PRPS2: variants seen among roughly 807,000 people sequenced by gnomAD.
The protein encoded by PRPS2 is ribose-phosphate pyrophosphokinase 2.
For missense variants in PRPS2, 104 were observed against 271.5 expected (o/e 0.38, Z 4.34); for synonymous variants, 111 against 115.3 (o/e 0.96, Z 0.24).
intron 4 of PRPS2, among the ~76,000 whole-genome samples, chrX:12,819,262 T>G (rs1163622000): frequency 8.9e-6 from 1 of 112,627 alleles, no homozygotes; most frequent in Non-Finnish European, 1.9e-5. Flanking sequence ...ACCCAGTAGT[T>G]CTATCCAGTG....
intron 1 of PRPS2, among the ~76,000 whole-genome samples, chrX:12,794,686 A>G (rs976421036): frequency 8.9e-6 from 1 of 111,995 alleles, no homozygotes; most frequent in African/African-American, 3.3e-5. Context: ...GACCTAGAAT[A>G]AAGGTAGTCA....
intron 2 of PRPS2, among the ~76,000 whole-genome samples, chrX:12,802,990 G>A (rs189585839): frequency 2.3e-3 from 258 of 112,336 alleles, no homozygotes; most frequent in Middle Eastern, 0.014. Flanking sequence ...ACACAGCTAG[G>A]AAAGAAGGAA....
chrX:12,805,244 G>T (rs755956316), intron 2 of PRPS2, among the ~76,000 whole-genome samples: 1 of 112,488 alleles, frequency 8.9e-6, no homozygotes, highest in African/African-American at 3.2e-5. Context: ...CTGGCACTGA[G>T]AATCAAGTAG....
chrX:12,804,523 A>G (rs1224167884), intron 2 of PRPS2, among the ~76,000 whole-genome samples: 3 of 111,004 alleles, frequency 2.7e-5, no homozygotes, highest in African/African-American at 9.8e-5. Flanking sequence ...TTGGCTTTGT[A>G]CTGAGAAACT....
At chrX:12,821,249 C>T (rs986645264) in intron 6 of PRPS2, among the ~76,000 whole-genome samples, 2 of 111,958 alleles carry the variant, frequency 1.8e-5, no homozygotes, top group Non-Finnish European at 3.8e-5. Flanking sequence ...TGTGCTCTGT[C>T]GCTACGATGG....
At chrX:12,797,764 A>C (rs963669117) in intron 1 of PRPS2, among the ~76,000 whole-genome samples, 1 of 112,210 alleles carries the variant, frequency 8.9e-6, no homozygotes, top group Non-Finnish European at 1.9e-5. Context: ...CTTCCCACCA[A>C]AGGAATATGC....
At chrX:12,821,654 C>T (rs1270016288) in intron 6 of PRPS2, among the ~76,000 whole-genome samples, 1 of 111,783 alleles carries the variant, frequency 8.9e-6, no homozygotes, top group Non-Finnish European at 1.9e-5. Context: ...AGAACAGACA[C>T]TATACTTGAT....
intron 1 of PRPS2, among the ~76,000 whole-genome samples, chrX:12,794,374 C>T (rs2042533691): frequency 8.9e-6 from 1 of 111,735 alleles, no homozygotes; most frequent in African/African-American, 3.3e-5. Flanking sequence ...TCTAAGAGCA[C>T]ATGTTCCAAA....
intron 2 of PRPS2, among the ~76,000 whole-genome samples, chrX:12,800,465 G>A (rs1445274578): frequency 7.2e-5 from 8 of 111,587 alleles, no homozygotes; most frequent in Non-Finnish European, 1.5e-4. Context: ...GAGGTCACAT[G>A]CTGAAGTTGT....
rs41305175 is a variant in PRPS2, at chrX:12,808,931, T to C, written c.307-303T>C. 1.9e-3 allele frequency among the ~76,000 whole-genome samples: 217 copies of C among 112,325 alleles called. 1 individual carries two copies. Among genetic ancestry groups the C allele is most frequent in the Non-Finnish European group, 3.2e-3 (173 of 53,295 alleles). ...TCGGTACCTTTTATTTCTACACACT[T>C]ACCATGATTTCAGTTACACAGATTG... On this transcript the variant is annotated intron_variant, in intron 2 of 6. Transcript: ENST00000380668.
At chrX:12,806,534 G>A (rs1248340145) in intron 2 of PRPS2, among the ~76,000 whole-genome samples, 1 of 112,485 alleles carries the variant, frequency 8.9e-6, no homozygotes, top group East Asian at 2.8e-4. Flanking sequence ...CAGTTAACTA[G>A]TAAATCATTT....
chrX:12,817,984 A>G lies in PRPS2; in HGVS notation c.531-1523A>G, dbSNP rs192695332. Among the ~76,000 whole-genome samples the G allele has an allele frequency of 2.9e-3, 325 of 111,351 alleles. 3 individuals carry two copies. The highest frequency in any genetic ancestry group is 0.01 in the African/African-American group (311 of 30,652). On this transcript the variant is annotated intron_variant, in intron 4 of 6. Coordinates refer to ENST00000380668, the MANE Select transcript of PRPS2 (RefSeq NM_002765.5). The stretch of plus-strand genomic sequence containing the variant: ...ACTAGACAGAGATAATAGTTGTGCA[A>G]TGTTGTGAATGTACTTGATGCCATT...
intron 4 of PRPS2, among the ~76,000 whole-genome samples, chrX:12,812,642 A>G (rs1303584005): frequency 1.8e-5 from 2 of 111,937 alleles, no homozygotes; most frequent in Non-Finnish European, 3.8e-5. Flanking sequence ...AGAAAAAGAA[A>G]ATACCAAAAA....
At chrX:12,796,236 T>TTTTTTTTTTTTTTTTTTTTTTTTTTTTC (rs1555902194) in intron 1 of PRPS2, among the ~76,000 whole-genome samples, 1 of 72,495 alleles carries the variant, frequency 1.4e-5, no homozygotes, top group Non-Finnish European at 2.6e-5. Flanking sequence ...TTTTTTTTTT[T>TTTTTTTTTTTTTTTTTTTTTTTTTTTTC]TGAGACAGAG....
In PRPS2 at chrX:12,807,171, G is replaced by A. The variant is rs780170351; in HGVS notation, c.307-2063G>A. On this transcript the variant is annotated intron_variant, in intron 2 of 6. Coordinates refer to ENST00000380668, the MANE Select transcript of PRPS2 (RefSeq NM_002765.5). Reference sequence around the variant, plus strand: ...AGACCAAGACCAAGCACTAGCATTTGGTGTCTGGTACGGGCTGCGTCCTCC... The same window carrying A: ...AGACCAAGACCAAGCACTAGCATTTAGTGTCTGGTACGGGCTGCGTCCTCC... Among the ~76,000 whole-genome samples the A allele has an allele frequency of 2.7e-5, 3 of 112,529 alleles. No homozygotes were observed. In the East Asian group the frequency reaches 8.3e-4, roughly 31 times the overall value.
intron 2 of PRPS2, among the ~76,000 whole-genome samples, chrX:12,805,320 C>T (rs1174311890): frequency 8.9e-6 from 1 of 112,620 alleles, no homozygotes; most frequent in African/African-American, 3.2e-5. Flanking sequence ...CTTAAACTGT[C>T]TGTATCTTTA....
At chrX:12,807,561 G>A (rs1443984430) in intron 2 of PRPS2, among the ~76,000 whole-genome samples, 1 of 111,689 alleles carries the variant, frequency 9.0e-6, no homozygotes, top group Non-Finnish European at 1.9e-5. Flanking sequence ...AGTAAGCCTT[G>A]GACATTTAGT....
At chrX:12,801,313 T>TA (rs1254670803) in intron 2 of PRPS2, among the ~76,000 whole-genome samples, 1 of 109,614 alleles carries the variant, frequency 9.1e-6, no homozygotes, top group Non-Finnish European at 1.9e-5. Flanking sequence ...TTAGGTCACA[T>TA]ACACTGCTGT....
intron 4 of PRPS2, among the ~76,000 whole-genome samples, chrX:12,816,193 G>A (rs888692684): frequency 1.3e-4 from 15 of 111,525 alleles, no homozygotes; most frequent in Non-Finnish European, 2.3e-4. Context: ...CTTCAAGGAC[G>A]TTGATGTCTT....
Sources: allele counts gnomAD v4.1 joint callset (sites outside exome capture counted in the v4.1 genomes callset), GRCh38; gene constraint gnomAD v4.1.1; transcripts MANE v1.5; gene names NCBI Gene and HGNC (gene_info 2026-07-23, HGNC 2026-07-21).